Variants in KLHDC8A observed in about 807,000 individuals in gnomAD.
KLHDC8A encodes kelch domain containing 8A.
KLHDC8A carries 21 observed loss-of-function variants against 33.1 expected under a neutral mutation model. That is an observed-to-expected ratio of 0.64 (90% CI 0.45 to 0.91). The LOEUF (loss-of-function observed/expected upper bound fraction) is 0.91. Ranked by LOEUF, KLHDC8A falls within the 40% of genes least tolerant of loss-of-function variation. The pLI, the probability that KLHDC8A is intolerant of heterozygous loss-of-function variation, is 0.00. For missense variants in KLHDC8A, 435 were observed against 483.3 expected, an observed-to-expected ratio of 0.90 and a Z score of 0.94; for synonymous variants, 173 against 193.5, an observed-to-expected ratio of 0.89 and a Z score of 0.88.
At chr1:205,356,087 C>T (rs1307933854) in intron 1 of KLHDC8A, among the ~76,000 whole-genome samples, 1 of 151,702 alleles carries the variant, frequency 6.6e-6, no homozygotes, top group African/African-American at 2.4e-5. Flanking sequence ...GTCCCCCTCC[C>T]CCCCTCCCTC....
chr1:205,346,324 A>G (rs1252403260), intron 1 of KLHDC8A, among the ~76,000 whole-genome samples: 2 of 152,182 alleles, frequency 1.3e-5, no homozygotes, highest in Non-Finnish European at 2.9e-5. Context: ...AACTGTCTTC[A>G]CAAAATCAGA....
At chr1:205,343,108 T>G in intron 2 of KLHDC8A, 121 bp downstream of exon 2, 1 of 1,366,054 alleles carries the variant, frequency 7.3e-7, no homozygotes, top group East Asian at 2.4e-5. Flanking sequence ...ACGCATGGGG[T>G]CTGCAGAAAT....
At chr1:205,343,823 AGCTGGGGCCAC>A (rs1026620562) in intron 1 of KLHDC8A, 30 bp from the exon 2 acceptor site, 37 of 535,250 alleles carry the variant, frequency 6.9e-5, no homozygotes, top group African/African-American at 6.3e-4. Context: ...AATCAAGGGC[AGCTGGGGCCAC>A]GCGCCCTCCG....
chr1:205,344,160 C>G (rs941256534), intron 1 of KLHDC8A: 7 of 152,374 alleles, frequency 4.6e-5, no homozygotes, highest in African/African-American at 7.2e-5. Flanking sequence ...AGCGCGGCGG[C>G]GAGGCGCAGA....
chr1:205,355,952 G>A (rs1663255578), intron 1 of KLHDC8A, among the ~76,000 whole-genome samples: 1 of 152,296 alleles, frequency 6.6e-6, no homozygotes, highest in Non-Finnish European at 1.5e-5. Flanking sequence ...CTTAATTTTA[G>A]ACCCAGGGGC....
Position 205,339,836 on chromosome 1 carries a change from G to A in KLHDC8A, c.377-28C>T, listed in dbSNP as rs760863967. The A allele has an allele frequency of 1.2e-6, 2 of 1,606,304 alleles. No individual in the cohort carries two copies. Among genetic ancestry groups the A allele is most frequent in the Non-Finnish European group, 1.7e-6 (2 of 1,175,548 alleles). On this transcript the variant is annotated intron_variant, in intron 2 of 5. Transcript: ENST00000367155. The surrounding 1 kb of genome is among the most constrained non-coding windows in gnomAD (Gnocchi z 5.1). ...AAGAAGAAAGGCCATACATGCCCCT[G>A]GCTTAGCTCACAGGTACAGCAAGAC...
At chr1:205,352,394 T>C (rs951033720) in intron 1 of KLHDC8A, among the ~76,000 whole-genome samples, 2 of 149,758 alleles carry the variant, frequency 1.3e-5, no homozygotes, top group Admixed American at 1.3e-4. Context: ...CACACACACA[T>C]ACACACACCC....
chr1:205,337,052 G>T lies in KLHDC8A; in HGVS notation c.*347C>A. ...CAACAGCAGTCTATCCTCTCGGTCAGAACTGCTCTACCTGCCTCCTGGAGA... is the reference window on the plus strand; with the variant it reads ...CAACAGCAGTCTATCCTCTCGGTCATAACTGCTCTACCTGCCTCCTGGAGA... On this transcript the variant is annotated 3_prime_UTR_variant, in exon 6 of 6. Coordinates refer to ENST00000367155, the MANE Select transcript of KLHDC8A (RefSeq NM_018203.3). 3.2e-6 allele frequency: 1 copy of T among 309,544 alleles called. No individual in the cohort carries two copies. Among genetic ancestry groups the T allele is most frequent in the Non-Finnish European group, 6.1e-6 (1 of 163,192 alleles). 19.2% of individuals were successfully genotyped at this position (309,544 alleles called of 1,614,324 possible). A position where few individuals can be genotyped will look rare whatever the true frequency, so the allele number is the denominator to read the frequency against.
intron 2 of KLHDC8A, among the ~76,000 whole-genome samples, chr1:205,341,500 C>G (rs1662787972): frequency 6.6e-6 from 1 of 152,182 alleles, no homozygotes; most frequent in Non-Finnish European, 1.5e-5. Flanking sequence ...CCACTCCTCA[C>G]TACTGTTTTT....
At position 205,350,403 on chromosome 1, in the gene KLHDC8A, G is replaced by A. The variant is rs564423415; in HGVS notation, c.-190+6130C>T. Among the ~76,000 whole-genome samples, 8 of 152,226 alleles carry A rather than the reference G, an allele frequency of 5.3e-5. No homozygotes were observed. The East Asian group carries it at 7.7e-4, about 15-fold the overall frequency. On this transcript the variant is annotated intron_variant, in intron 1 of 5. Coordinates refer to ENST00000367155, the MANE Select transcript of KLHDC8A (RefSeq NM_018203.3). ...AGGATGCAAGAGCTCAGGTCATCCC[G>A]ACATGGCTCTTTCTCTAAAAGTGAA...
In KLHDC8A at chr1:205,356,829, C is replaced by T. The variant is rs923893444; in HGVS notation, c.-486G>A. 3.5e-6 allele frequency: 1 copy of T among 287,610 alleles called. No homozygotes were observed. The highest frequency in any genetic ancestry group is 2.2e-5 in the African/African-American group (1 of 44,932). The allele number at this position is 287,610 out of a possible 1,614,324, so 17.8% of individuals were successfully genotyped here. A position where few individuals can be genotyped will look rare whatever the true frequency, so the allele number is the denominator to read the frequency against. Reference sequence around the variant, plus strand: ...GTCCCTGAGTTCCAGGAGGCGTGACCCCCCTACTGAGAGGGCCTCAGCCAG... The same window carrying T: ...GTCCCTGAGTTCCAGGAGGCGTGACTCCCCTACTGAGAGGGCCTCAGCCAG... On this transcript the variant is annotated 5_prime_UTR_variant, in exon 1 of 6. Coordinates refer to ENST00000367155, the MANE Select transcript of KLHDC8A (RefSeq NM_018203.3).
At chr1:205,349,073 C>T (rs1037979569) in intron 1 of KLHDC8A, among the ~76,000 whole-genome samples, 5 of 152,172 alleles carry the variant, frequency 3.3e-5, no homozygotes, top group Non-Finnish European at 5.9e-5. Flanking sequence ...AGAGAAGCCT[C>T]ATTAGGGCCT....
intron 1 of KLHDC8A, among the ~76,000 whole-genome samples, chr1:205,350,850 T>C (rs1236707129): frequency 6.7e-6 from 1 of 148,728 alleles, no homozygotes; most frequent in African/African-American, 2.4e-5. Context: ...CGCACGCATG[T>C]GTGTGTGCAT....
Position 205,343,485 on chromosome 1 carries a change from G to A in KLHDC8A, c.120C>T (p.Asp40=). The A allele has an allele frequency of 1.2e-6, 2 of 1,613,514 alleles. No homozygotes were observed. The highest frequency in any genetic ancestry group is 1.7e-6 in the Non-Finnish European group (2 of 1,179,874). The change falls in exon 2 of 6, where the codon GAC becomes GAT. Residue 40 remains aspartate, a synonymous_variant. Coordinates refer to ENST00000367155, the MANE Select transcript of KLHDC8A (RefSeq NM_018203.3). ...AGCAGTCCATGGGGACGCCGTTGTC[G>A]TCACATCCCCCGATGGCATAGACCT... ...GGQVYAIGGC[D]DNGVPMDCFE... is the part of the protein sequence containing the mutation.
chr1:205,350,895 C>T (rs1385334617), intron 1 of KLHDC8A, among the ~76,000 whole-genome samples: 7 of 152,152 alleles, frequency 4.6e-5, no homozygotes, highest in Admixed American at 1.3e-4. Flanking sequence ...GGAGCTGGCT[C>T]TCCTTCTGGC....
At chr1:205,345,296 T>C (rs1164850270) in intron 1 of KLHDC8A, among the ~76,000 whole-genome samples, 1 of 152,210 alleles carries the variant, frequency 6.6e-6, no homozygotes, top group Non-Finnish European at 1.5e-5. Context: ...ATTTTTAAAC[T>C]AGAGTTTTAA....
chr1:205,341,681 T>C (rs1490008000), intron 2 of KLHDC8A, among the ~76,000 whole-genome samples: 4 of 151,916 alleles, frequency 2.6e-5, no homozygotes, highest in Non-Finnish European at 5.9e-5. Flanking sequence ...TACGGAGTCT[T>C]GCTCTGTCAC....
intron 1 of KLHDC8A, chr1:205,351,359 T>C: frequency 1.1e-6 from 1 of 898,964 alleles, no homozygotes. Context: ...GATCCCTTTA[T>C]GAACCTTGTG....
Position 205,339,552 on chromosome 1 carries a change from G to T in KLHDC8A, c.541+92C>A. ...GGGCAGTGTGATTATCCCCAGTGCC[G>T]AGGAGATGCTCAGCACACAGGCACT... On this transcript the variant is annotated intron_variant, in intron 3 of 5. Transcript: ENST00000367155. This position sits in a 1 kb window ranked among gnomAD's most constrained non-coding sequence, Gnocchi z 5.1. 1 of 1,483,478 alleles carries T rather than the reference G, an allele frequency of 6.7e-7. No individual in the cohort carries two copies. The highest frequency in any genetic ancestry group is 1.4e-5 in the African/African-American group (1 of 72,502). 91.9% of individuals were successfully genotyped at this position (1,483,478 alleles called of 1,614,324 possible).
Sources: allele counts gnomAD v4.1 joint callset (sites outside exome capture counted in the v4.1 genomes callset), GRCh38; gene constraint gnomAD v4.1.1; non-coding constraint Gnocchi (gnomAD v3.1); transcripts MANE v1.5; gene names NCBI Gene and HGNC (gene_info 2026-07-23, HGNC 2026-07-21).